WIPF2: variants seen among roughly 807,000 people sequenced by gnomAD.
The protein encoded by WIPF2 is WAS/WASL interacting protein family member 2.
A neutral mutation model predicts 38.8 loss-of-function variants in WIPF2; 23 were observed. The ratio of observed to expected loss-of-function variants is 0.59; its 90% confidence interval spans 0.43 to 0.84. The LOEUF is 0.84. Ranked by LOEUF, WIPF2 falls within the 40% of genes least tolerant of loss-of-function variation. The pLI, the probability that WIPF2 is intolerant of heterozygous loss-of-function variation, is 0.00. For synonymous variants in WIPF2, 210 were observed against 223.2 expected, an observed-to-expected ratio of 0.94 and a Z score of 0.53; for missense variants, 574 against 580.5, an observed-to-expected ratio of 0.99 and a Z score of 0.11.
chr17:40,236,749 C>T (rs2145307030), intron 1 of WIPF2, among the ~76,000 whole-genome samples: 1 of 151,938 alleles, frequency 6.6e-6, no homozygotes, highest in East Asian at 1.9e-4. Context: ...GCTGAGATTA[C>T]AGGCGCCCAC....
chr17:40,261,682 G>GTTTTTTTTTTTTTTTTT (rs929999985), intron 3 of WIPF2, among the ~76,000 whole-genome samples: 3 of 142,490 alleles, frequency 2.1e-5, no homozygotes, highest in African/African-American at 2.6e-5. Context: ...TTTTTTTTTG[G>GTTTTTTTTTTTTTTTTT]TTTTTTTTGT....
intron 1 of WIPF2, chr17:40,220,595 A>ATATATATATATATATATG (rs2030162590): frequency 2.6e-5 from 2 of 77,040 alleles, no homozygotes; most frequent in African/African-American, 5.8e-5. Context: ...ATATATATAT[A>ATATATATATATATATATG]TATATATATA....
In WIPF2 at chr17:40,265,075, C is replaced by T. The variant is rs1365385418; in HGVS notation, c.899C>T (p.Thr300Ile). 6.2e-7 allele frequency: 1 copy of T among 1,613,918 alleles called. No individual in the cohort carries two copies. The highest frequency in any genetic ancestry group is 8.5e-7 in the Non-Finnish European group (1 of 1,179,988). Residue 300 changes from threonine (T) to isoleucine (I), a missense_variant, in exon 5 of 8, where the codon ACC becomes ATC. Transcript: ENST00000323571. ...PVRGLAPPPP[T>I]SASPSLLSNR... ...AGAGGCCTAGCACCTCCTCCACCCA[C>T]CTCGGCCTCCCCATCTTTACTGAGT...
chr17:40,247,667 G>A (rs1404536340), intron 1 of WIPF2, among the ~76,000 whole-genome samples: 1 of 151,478 alleles, frequency 6.6e-6, no homozygotes, highest in Admixed American at 6.6e-5. Flanking sequence ...AGTTACAGGC[G>A]TTTGCCACCA....
chr17:40,273,488 A>G, intron 5 of WIPF2: 1 of 354,140 alleles, frequency 2.8e-6, no homozygotes, highest in Non-Finnish European at 5.1e-6. Flanking sequence ...TGCAGTAGAG[A>G]ACAGGCTAAA....
At chr17:40,219,714 T>C (rs2030088856) in intron 1 of WIPF2, 1 of 152,758 alleles carries the variant, frequency 6.5e-6, no homozygotes, top group African/African-American at 2.5e-5. Context: ...GCGTGGGGAA[T>C]CTGGGGAGGA....
At chr17:40,244,525 G>A (rs1329590783) in intron 1 of WIPF2, among the ~76,000 whole-genome samples, 2 of 152,168 alleles carry the variant, frequency 1.3e-5, no homozygotes, top group Non-Finnish European at 2.9e-5. Flanking sequence ...GTCTCTGGAT[G>A]AGATTAAGCC....
intron 1 of WIPF2, among the ~76,000 whole-genome samples, chr17:40,251,962 T>C (rs1254757620): frequency 6.6e-6 from 1 of 152,208 alleles, no homozygotes; most frequent in African/African-American, 2.4e-5. Flanking sequence ...ACTTTTTTTA[T>C]GTACTTAATT....
At chr17:40,278,119 G>T in intron 7 of WIPF2, 66 bp from the exon 8 acceptor site, 1 of 1,541,986 alleles carries the variant, frequency 6.5e-7, no homozygotes, top group Non-Finnish European at 8.9e-7. Context: ...TTTTAGGAAT[G>T]TGTGGGTTGT....
chr17:40,251,431 A>G (rs374348933), intron 1 of WIPF2, among the ~76,000 whole-genome samples: 5 of 152,118 alleles, frequency 3.3e-5, no homozygotes, highest in Non-Finnish European at 7.4e-5. Context: ...TGATGTAAAC[A>G]AAAAGCTTCT....
At chr17:40,228,325 C>T (rs2030588875) in intron 1 of WIPF2, among the ~76,000 whole-genome samples, 1 of 152,050 alleles carries the variant, frequency 6.6e-6, no homozygotes, top group Admixed American at 6.6e-5. Context: ...ATTTTTATAC[C>T]TCTTTTGACT....
chr17:40,271,074 G>T (rs1373964284), intron 5 of WIPF2, among the ~76,000 whole-genome samples: 1 of 152,136 alleles, frequency 6.6e-6, no homozygotes. Context: ...CCAGGTTCAA[G>T]CTCCTCCCAC....
In WIPF2 at chr17:40,264,640, CT is replaced by C; in HGVS notation, c.467del (p.Leu156TyrfsTer15). 6.2e-7 allele frequency: 1 copy of C among 1,613,992 alleles called. No individual in the cohort carries two copies. Among genetic ancestry groups the C allele is most frequent in the Non-Finnish European group, 8.5e-7 (1 of 1,179,898 alleles). On this transcript the variant is annotated frameshift_variant, in exon 5 of 8. Transcript: ENST00000323571. LOFTEE classifies it high-confidence loss of function. ...GAACTGCCCCGGATGCAGAGACCCT[CT>C]TTACCGGACCTCTCTCGGCCTAATA... ...LPELPRMQRPSLPDLSRPNTT... is the reference protein window; with the variant it reads ...LPELPRMQRPXLPDLSRPNTT...
At chr17:40,220,781 T>G (rs1326760392) in intron 1 of WIPF2, among the ~76,000 whole-genome samples, 1 of 146,452 alleles carries the variant, frequency 6.8e-6, no homozygotes. Context: ...AATTCGTTTT[T>G]TTTTTTTTTT....
chr17:40,220,017 G>C (rs2030104511), intron 1 of WIPF2: 1 of 152,296 alleles, frequency 6.6e-6, no homozygotes. Context: ...AGGGAATCTT[G>C]AGAGCGTTCT....
rs1363430590 is a variant in WIPF2, at chr17:40,283,828, C to T, written c.*5603C>T. On this transcript the variant is annotated 3_prime_UTR_variant, in exon 8 of 8. Coordinates refer to ENST00000323571, the MANE Select transcript of WIPF2 (RefSeq NM_133264.5). ...AACTTTGACTTTAGGTGTAAAAATTCAACCAGACATTCTCTCCTTACTGTG... is the reference window on the plus strand; with the variant it reads ...AACTTTGACTTTAGGTGTAAAAATTTAACCAGACATTCTCTCCTTACTGTG... 1 of 152,164 alleles carries T rather than the reference C, an allele frequency of 6.6e-6. No homozygotes were observed. 9.4% of individuals were successfully genotyped at this position (152,164 alleles called of 1,614,324 possible).
intron 1 of WIPF2, among the ~76,000 whole-genome samples, chr17:40,251,706 G>C (rs1213906143): frequency 2.6e-5 from 4 of 152,234 alleles, no homozygotes; most frequent in African/African-American, 7.2e-5. Flanking sequence ...TTATTCCTGA[G>C]TGATCTTGGG....
At chr17:40,246,338 G>A (rs370058487) in intron 1 of WIPF2, among the ~76,000 whole-genome samples, 2 of 151,102 alleles carry the variant, frequency 1.3e-5, no homozygotes, top group African/African-American at 4.9e-5. Context: ...TGTCTGCCTC[G>A]GCCTCCCAAA....
intron 1 of WIPF2, among the ~76,000 whole-genome samples, chr17:40,225,886 G>T (rs1477026596): frequency 6.6e-6 from 1 of 151,888 alleles, no homozygotes; most frequent in African/African-American, 2.4e-5. Context: ...AACTTTTGCC[G>T]GCCTCCCAAA....
Sources: allele counts gnomAD v4.1 joint callset (sites outside exome capture counted in the v4.1 genomes callset), GRCh38; gene constraint gnomAD v4.1.1; transcripts MANE v1.5; gene names NCBI Gene and HGNC (gene_info 2026-07-23, HGNC 2026-07-21).